Variants in EPB41L1 observed in about 807,000 individuals in gnomAD.
The protein encoded by EPB41L1 is erythrocyte membrane protein band 4.1 like 1.
Under a neutral mutation model 97.8 loss-of-function variants are expected in EPB41L1, and 29 were observed. The observed-to-expected ratio is 0.30, with a 90% CI of 0.22 to 0.40. The LOEUF (loss-of-function observed/expected upper bound fraction) is 0.40. Ranked by LOEUF, EPB41L1 falls within the 10% of genes least tolerant of loss-of-function variation. EPB41L1 has a pLI of 1.00. For synonymous variants in EPB41L1, 383 were observed against 459.2 expected, an observed-to-expected ratio of 0.83 and a Z score of 2.12; for missense variants, 812 against 1,162.3, an observed-to-expected ratio of 0.70 and a Z score of 4.38.
intron 2 of EPB41L1, among the ~76,000 whole-genome samples, chr20:36,135,934 C>T (rs1015270473): frequency 4.6e-5 from 7 of 152,110 alleles, no homozygotes; most frequent in African/African-American, 1.4e-4. Flanking sequence ...AAATATAAAT[C>T]CCTCCAGAAA....
chr20:36,182,407 C>A (rs1569232176), intron 6 of EPB41L1, 60 bp downstream of exon 6: 3 of 1,577,696 alleles, frequency 1.9e-6, no homozygotes, highest in Non-Finnish European at 2.6e-6. Context: ...GATGAGGGAC[C>A]CTGGCCCTGG....
chr20:36,163,006 G>A (rs763922396), intron 1 of EPB41L1, among the ~76,000 whole-genome samples: 82 of 152,096 alleles, frequency 5.4e-4, no homozygotes, highest in Non-Finnish European at 1.0e-3. Context: ...TTTCATTCAC[G>A]TCCATGTAGA....
chr20:36,211,708 G>T (rs1177398298), intron 15 of EPB41L1, among the ~76,000 whole-genome samples: 1 of 152,144 alleles, frequency 6.6e-6, no homozygotes, highest in East Asian at 1.9e-4. Flanking sequence ...ACAAAAGTTA[G>T]CCGGGTGTGG....
In EPB41L1 at chr20:36,188,484, G is replaced by A; in HGVS notation, c.1011G>A (p.Lys337=). 1 of 1,613,380 alleles carries A rather than the reference G, an allele frequency of 6.2e-7. No individual in the cohort carries two copies. The highest frequency in any genetic ancestry group is 2.2e-5 in the East Asian group (1 of 44,862). ...ISYKRSNFYI[K]IRPGEYEQFE... Reference sequence around the variant, plus strand: ...ACAAGAGGAGTAACTTCTATATCAAGATCCGGCCTGGGGAGGTGAGTCTGC... The same window carrying A: ...ACAAGAGGAGTAACTTCTATATCAAAATCCGGCCTGGGGAGGTGAGTCTGC... Residue 337 remains lysine (K), a synonymous_variant, in exon 9 of 22, where the codon AAG becomes AAA. Transcript: ENST00000338074.
chr20:36,219,923 C>T lies in EPB41L1; in HGVS notation c.2439+79C>T, dbSNP rs963284136. The T allele has an allele frequency of 5.5e-6, 7 of 1,273,414 alleles. No individual in the cohort carries two copies. In the East Asian group the frequency reaches 7.0e-5, roughly 13 times the overall value. 78.9% of individuals were successfully genotyped at this position (1,273,414 alleles called of 1,614,324 possible). A position where few individuals can be genotyped will look rare whatever the true frequency, so the allele number is the denominator to read the frequency against. The stretch of plus-strand genomic sequence containing the variant: ...CATGACTGTTGTTCTGCTTCGGCTT[C>T]GCCATCTGTAAAGTGGACAGAGAAA... On this transcript the variant is annotated intron_variant, in intron 19 of 21. Coordinates refer to ENST00000338074, the MANE Select transcript of EPB41L1 (RefSeq NM_012156.2).
intron 9 of EPB41L1, among the ~76,000 whole-genome samples, chr20:36,188,899 A>G (rs1488939735): frequency 1.3e-5 from 2 of 150,740 alleles, no homozygotes; most frequent in Non-Finnish European, 3.0e-5. Context: ...AAAAGGGAGA[A>G]AAAAAAAAGA....
intron 11 of EPB41L1, 95 bp from the exon 12 acceptor site, chr20:36,194,117 C>T (rs1228392685): frequency 3.2e-6 from 5 of 1,542,034 alleles, no homozygotes; most frequent in East Asian, 4.6e-5. Flanking sequence ...GAGTTGGCTC[C>T]ACTCCAGGCG....
At position 36,218,962 on chromosome 20, in the gene EPB41L1, G is replaced by A. The variant is rs1330889311; in HGVS notation, c.2355G>A (p.Pro785=). Residue 785 remains proline (P), a splice_region_variant and synonymous_variant, in exon 18 of 22, where the codon CCG becomes CCA. Transcript: ENST00000338074. ...CCACGGAAATCCGTTCTCTTTCTCC[G>A]GTAAGTGGGCAAGGCCAGCTCAGGC... ...TVATEIRSLS[P]IIGKDVLTST... is the part of the protein sequence containing the mutation. The A allele has an allele frequency of 3.7e-6, 6 of 1,613,868 alleles. No individual in the cohort carries two copies. Among genetic ancestry groups the A allele is most frequent in the East Asian group, 2.2e-5 (1 of 44,888 alleles).
chr20:36,169,244 C>G (rs2060874265), intron 1 of EPB41L1, among the ~76,000 whole-genome samples: 2 of 149,730 alleles, frequency 1.3e-5, no homozygotes, highest in African/African-American at 4.9e-5. Context: ...AAAAAAGTGG[C>G]AACTCCGGCT....
intron 2 of EPB41L1, among the ~76,000 whole-genome samples, chr20:36,131,227 G>A (rs1413979174): frequency 1.3e-5 from 2 of 151,862 alleles, no homozygotes; most frequent in Non-Finnish European, 2.9e-5. Flanking sequence ...CGCCCGCCTC[G>A]GCCTCCCAAA....
chr20:36,214,437 C>T lies in EPB41L1; in HGVS notation c.2265C>T (p.Thr755=). Residue 755 remains threonine (T), a synonymous_variant, in exon 17 of 22, where the codon ACC becomes ACT. Transcript: ENST00000338074. ...PSITTETIST[T]MENSLKSGKG... ...TCACCACGGAGACCATATCGACCAC[C>T]ATGGTAAGTTGAACCCAGGAGGCTT... The T allele has an allele frequency of 6.2e-7, 1 of 1,612,644 alleles. No individual in the cohort carries two copies.
intron 1 of EPB41L1, among the ~76,000 whole-genome samples, chr20:36,170,582 C>T (rs2060946819): frequency 6.6e-6 from 1 of 152,184 alleles, no homozygotes. Flanking sequence ...CCTGCCACGT[C>T]CTTGGTGTCT....
intron 3 of EPB41L1, 65 bp from the exon 4 acceptor site, chr20:36,177,887 G>T (rs2061316543): frequency 2.3e-6 from 3 of 1,322,868 alleles, no homozygotes; most frequent in African/African-American, 2.9e-5. Flanking sequence ...GTGGAGCCCA[G>T]GGTATCTCCC....
At chr20:36,200,723 C>T (rs750423855) in intron 14 of EPB41L1, 4 of 364,600 alleles carry the variant, frequency 1.1e-5, no homozygotes, top group Non-Finnish European at 2.2e-5. Flanking sequence ...ACAAATCCTA[C>T]AGATATGGGA....
chr20:36,155,703 C>T, intron 1 of EPB41L1: 1 of 448,374 alleles, frequency 2.2e-6, no homozygotes, highest in Non-Finnish European at 4.5e-6. Context: ...GCTGGTCTCT[C>T]CCTCAGCTGC....
In EPB41L1 at chr20:36,182,316, G is replaced by A. The variant is rs1436612724; in HGVS notation, c.535G>A (p.Asp179Asn). 1 of 1,614,126 alleles carries A rather than the reference G, an allele frequency of 6.2e-7. No homozygotes were observed. ...FAFTVKFYPP[D>N]PAQLTEDITR... ...CTTCACAGTCAAGTTCTACCCGCCT[G>A]ATCCTGCCCAGCTGACAGAAGACAT... The change falls in exon 6 of 22, where the codon GAT becomes AAT. Residue 179 changes from aspartate to asparagine, a missense_variant. Asp to Asn is a conservative substitution (Grantham distance 23). This residue lies in a region of EPB41L1 where 230 missense variants were observed against 445.2 expected (regional missense o/e 0.52). Coordinates refer to ENST00000338074, the MANE Select transcript of EPB41L1 (RefSeq NM_012156.2).
At chr20:36,183,051 A>G (rs1397361387) in intron 6 of EPB41L1, among the ~76,000 whole-genome samples, 1 of 152,192 alleles carries the variant, frequency 6.6e-6, no homozygotes, top group East Asian at 1.9e-4. Context: ...ATTGGAAATG[A>G]GTGCAAAGCA....
At chr20:36,097,463 A>G (rs1184818025) in intron 1 of EPB41L1, among the ~76,000 whole-genome samples, 3 of 152,234 alleles carry the variant, frequency 2.0e-5, no homozygotes, top group Non-Finnish European at 4.4e-5. Context: ...GAAACATTTG[A>G]TAAATGTCAA....
chr20:36,154,966 C>G lies in EPB41L1; in HGVS notation c.-15+70C>G. ...GCAACATCTAGGCCCAGCCTCCAGC[C>G]CTGGGGAGGAACGGGGGCGAGGCCG... On this transcript the variant is annotated intron_variant, in intron 1 of 21. Coordinates refer to ENST00000338074, the MANE Select transcript of EPB41L1 (RefSeq NM_012156.2). The surrounding 1 kb of genome is among the most constrained non-coding windows in gnomAD (Gnocchi z 5.5). 8.6e-7 allele frequency: 1 copy of G among 1,160,608 alleles called. No individual in the cohort carries two copies. 71.9% of individuals were successfully genotyped at this position (1,160,608 alleles called of 1,614,324 possible). A position where few individuals can be genotyped will look rare whatever the true frequency, so the allele number is the denominator to read the frequency against.
Sources: gnomAD v4.1 joint callset for allele counts (sites outside exome capture counted in the v4.1 genomes callset) on GRCh38, gnomAD v4.1.1 for gene constraint, gnomAD v4.1.1 regional missense constraint, Gnocchi (gnomAD v3.1) non-coding constraint, MANE v1.5 for transcripts, NCBI Gene and HGNC (gene_info 2026-07-23, HGNC 2026-07-21) for gene names.